Variants in OPCML observed in about 807,000 individuals in gnomAD.
OPCML encodes the protein opioid binding protein/cell adhesion molecule like.
A neutral mutation model predicts 37.8 loss-of-function variants in OPCML; 13 were observed. The ratio of observed to expected loss-of-function variants is 0.34; its 90% CI spans 0.22 to 0.55. The LOEUF (loss-of-function observed/expected upper bound fraction) is 0.55, where lower values mean the gene tolerates loss of function less well. Ranked by LOEUF, OPCML falls within the 20% of genes least tolerant of loss-of-function variation. The pLI is 0.91. For synonymous variants in OPCML, 176 were observed against 168.8 expected, an observed-to-expected ratio of 1.04 and a Z score of -0.33; for missense variants, 341 against 435.6, an observed-to-expected ratio of 0.78 and a Z score of 1.93.
chr11:132,835,605 C>A (rs1940957633), intron 2 of OPCML, among the ~76,000 whole-genome samples: 3 of 152,148 alleles, frequency 2.0e-5, no homozygotes, highest in Admixed American at 2.0e-4. Context: ...TCTGTCTCTA[C>A]CCCCAACTTA....
chr11:133,200,561 G>C (rs1363419923), intron 1 of OPCML, among the ~76,000 whole-genome samples: 1 of 152,020 alleles, frequency 6.6e-6, no homozygotes, highest in Non-Finnish European at 1.5e-5. Flanking sequence ...AACATCTCTG[G>C]ATGTATATCT....
intron 4 of OPCML, among the ~76,000 whole-genome samples, chr11:132,526,159 G>A (rs2096307832): frequency 6.6e-6 from 1 of 152,112 alleles, no homozygotes; most frequent in Non-Finnish European, 1.5e-5. Context: ...CCATTATAAT[G>A]AATTGTTTCA....
intron 1 of OPCML, among the ~76,000 whole-genome samples, chr11:133,175,748 T>G (rs1003421284): frequency 1.3e-5 from 2 of 151,656 alleles, no homozygotes; most frequent in African/African-American, 4.8e-5. Context: ...GCATGCACGA[T>G]GCAGATGGAT....
chr11:132,524,870 G>T (rs934377527), intron 4 of OPCML, among the ~76,000 whole-genome samples: 7 of 152,138 alleles, frequency 4.6e-5, no homozygotes, highest in African/African-American at 1.7e-4. Context: ...ATATGTCTTT[G>T]GTTTGTTTGT....
intron 1 of OPCML, among the ~76,000 whole-genome samples, chr11:133,181,825 G>A (rs1937846632): frequency 6.6e-6 from 1 of 152,276 alleles, no homozygotes; most frequent in Non-Finnish European, 1.5e-5. Flanking sequence ...AAAGGCAACA[G>A]CCTAGTACTG....
intron 1 of OPCML, among the ~76,000 whole-genome samples, chr11:133,460,588 C>A (rs58818448): frequency 0.031 from 4,667 of 151,744 alleles, 182 homozygotes; most frequent in East Asian, 0.095. Context: ...ATTGGATTAC[C>A]AAATGAAATG....
chr11:132,969,508 T>C (rs934262535), intron 1 of OPCML, among the ~76,000 whole-genome samples: 10 of 152,298 alleles, frequency 6.6e-5, no homozygotes, highest in Middle Eastern at 3.4e-3. Flanking sequence ...TATTTCTTCT[T>C]TCTCTCCTCT....
chr11:132,966,069 T>C (rs1420272863), intron 1 of OPCML, among the ~76,000 whole-genome samples: 4 of 152,122 alleles, frequency 2.6e-5, no homozygotes, highest in East Asian at 3.9e-4. Context: ...ATTTTCTTTT[T>C]CTCCTTTAGC....
chr11:132,698,287 C>T (rs368255030), intron 2 of OPCML, among the ~76,000 whole-genome samples: 25 of 152,218 alleles, frequency 1.6e-4, no homozygotes, highest in East Asian at 7.7e-4. Context: ...CCCTTTTCTC[C>T]GCATCCTCTC....
chr11:132,617,493 C>A (rs1939113075), intron 3 of OPCML, among the ~76,000 whole-genome samples: 1 of 152,180 alleles, frequency 6.6e-6, no homozygotes, highest in South Asian at 2.1e-4. Flanking sequence ...AGTGATTGGC[C>A]CCTCCATGCA....
chr11:133,291,505 A>G (rs542358654), intron 1 of OPCML, among the ~76,000 whole-genome samples: 92 of 152,328 alleles, frequency 6.0e-4, no homozygotes, highest in African/African-American at 2.1e-3. Context: ...TTCCCCAGGG[A>G]AAGCCGGTAT....
chr11:132,651,883 G>C (rs997624226), intron 3 of OPCML, among the ~76,000 whole-genome samples: 1 of 151,970 alleles, frequency 6.6e-6, no homozygotes, highest in Non-Finnish European at 1.5e-5. Flanking sequence ...TTAGCAAGAG[G>C]AGTTCATTCC....
At chr11:132,807,216 C>A (rs1013648659) in intron 2 of OPCML, among the ~76,000 whole-genome samples, 1 of 151,902 alleles carries the variant, frequency 6.6e-6, no homozygotes, top group Non-Finnish European at 1.5e-5. Flanking sequence ...TAGAGAAAAC[C>A]TACGTCTCAA....
At chr11:132,882,402 G>A (rs1438340551) in intron 2 of OPCML, among the ~76,000 whole-genome samples, 1 of 152,182 alleles carries the variant, frequency 6.6e-6, no homozygotes, top group East Asian at 1.9e-4. Context: ...CTAGAACCAG[G>A]AAGGAAGATA....
intron 1 of OPCML, among the ~76,000 whole-genome samples, chr11:133,207,228 A>G (rs1462496425): frequency 6.6e-6 from 1 of 151,800 alleles, no homozygotes; most frequent in Non-Finnish European, 1.5e-5. Flanking sequence ...TGAACCCAGG[A>G]GGCGGAGCTT....
chr11:132,970,822 T>C (rs1352411914), intron 1 of OPCML, among the ~76,000 whole-genome samples: 4 of 152,228 alleles, frequency 2.6e-5, no homozygotes, highest in Non-Finnish European at 5.9e-5. Context: ...CCTGTAGTAC[T>C]CATAGCTGAA....
intron 1 of OPCML, among the ~76,000 whole-genome samples, chr11:133,131,264 A>G (rs1949600194): frequency 6.6e-6 from 1 of 152,170 alleles, no homozygotes; most frequent in South Asian, 2.1e-4. Flanking sequence ...TACCCAGACT[A>G]TAGTATGTTT....
intron 1 of OPCML, among the ~76,000 whole-genome samples, chr11:133,458,523 C>CGTG (rs550610376): frequency 2.3e-4 from 22 of 94,296 alleles, no homozygotes; most frequent in Non-Finnish European, 3.2e-4. Flanking sequence ...CATATATACA[C>CGTG]TGTGTGTGTA....
chr11:132,760,057 C>A (rs1449459782), intron 2 of OPCML, among the ~76,000 whole-genome samples: 1 of 151,950 alleles, frequency 6.6e-6, no homozygotes, highest in Non-Finnish European at 1.5e-5. Context: ...TTTTATCTAC[C>A]CAGTAGTCAT....
Sources: allele counts gnomAD v4.1 joint callset (sites outside exome capture counted in the v4.1 genomes callset), GRCh38; gene constraint gnomAD v4.1.1; transcripts MANE v1.5; gene names NCBI Gene and HGNC (gene_info 2026-07-23, HGNC 2026-07-21).